The following CEACAM8 variants were observed in gnomAD, a reference collection of about 807,000 sequenced individuals.
CEACAM8 encodes the protein CEA cell adhesion molecule 8.
In CEACAM8, 31 loss-of-function variants were observed where a neutral mutation model predicts 33.4. That is an observed-to-expected ratio of 0.93 (90% CI 0.70 to 1.25). The LOEUF (loss-of-function observed/expected upper bound fraction) is 1.25. CEACAM8 is among the 50% of genes most tolerant of loss of function. The pLI, the probability that CEACAM8 is intolerant of heterozygous loss-of-function variation, is 0.00. For missense variants in CEACAM8, 388 were observed against 434.6 expected (o/e 0.89, Z 0.95); for synonymous variants, 138 against 164.5 (o/e 0.84, Z 1.23).
intron 4 of CEACAM8, among the ~76,000 whole-genome samples, chr19:42,585,264 C>T (rs1381077829): frequency 6.7e-6 from 1 of 149,214 alleles, no homozygotes; most frequent in African/African-American, 2.5e-5. Flanking sequence ...CACCTCTGCA[C>T]TCCAGCCTGG....
chr19:42,594,662 C>A, intron 1 of CEACAM8, 103 bp downstream of exon 1: 1 of 865,984 alleles, frequency 1.2e-6, no homozygotes, highest in Non-Finnish European at 1.9e-6. Context: ...AAGGCTCCAA[C>A]AGAAGTCCTC....
At chr19:42,591,847 G>A (rs1473578986) in intron 2 of CEACAM8, among the ~76,000 whole-genome samples, 3 of 152,160 alleles carry the variant, frequency 2.0e-5, no homozygotes, top group Non-Finnish European at 4.4e-5. Context: ...GAGAACGATC[G>A]AGTGTGTGTC....
intron 2 of CEACAM8, among the ~76,000 whole-genome samples, chr19:42,590,279 A>C (rs527886384): frequency 5.3e-5 from 8 of 152,200 alleles, no homozygotes; most frequent in Non-Finnish European, 1.2e-4. Context: ...GTCGTCAGGC[A>C]GTGGAGCCAC....
intron 2 of CEACAM8, among the ~76,000 whole-genome samples, chr19:42,590,996 C>G (rs776827678): frequency 1.3e-5 from 2 of 152,070 alleles, no homozygotes; most frequent in Non-Finnish European, 2.9e-5. Flanking sequence ...TCTGAAAATC[C>G]CAAATCCAAA....
Position 42,594,902 on chromosome 19 carries a change from A to T in CEACAM8, c.-74T>A. 6.7e-7 allele frequency: 1 copy of T among 1,502,328 alleles called. No homozygotes were observed. The highest frequency in any genetic ancestry group is 2.4e-5 in the East Asian group (1 of 42,498). 93.1% of individuals were successfully genotyped at this position (1,502,328 alleles called of 1,614,324 possible). A position where few individuals can be genotyped will look rare whatever the true frequency, so the allele number is the denominator to read the frequency against. ...CAGAAACTTTCTGAGCACGGCTGTC[A>T]GCTGTGCTGTCCTTCCTCCTTTTGT... On this transcript the variant is annotated 5_prime_UTR_variant, in exon 1 of 6. Coordinates refer to ENST00000244336, the MANE Select transcript of CEACAM8 (RefSeq NM_001816.4).
intron 4 of CEACAM8, among the ~76,000 whole-genome samples, chr19:42,586,660 A>T (rs1600291267): frequency 6.6e-6 from 1 of 152,242 alleles, no homozygotes; most frequent in East Asian, 1.9e-4. Context: ...AAAAAACTCC[A>T]TGACATTGGA....
chr19:42,593,755 C>T lies in CEACAM8; in HGVS notation c.210G>A (p.Gly70=), dbSNP rs757637164. 5 of 1,613,956 alleles carry T rather than the reference C, an allele frequency of 3.1e-6. No individual in the cohort carries two copies. The highest frequency in any genetic ancestry group is 1.3e-5 in the African/African-American group (1 of 74,942). The change falls in exon 2 of 6, where the codon GGG becomes GGA. Residue 70 remains glycine, a synonymous_variant. Coordinates refer to ENST00000244336, the MANE Select transcript of CEACAM8 (RefSeq NM_001816.4). ...TTCGACGGTTGGCATCCACTGTTTC[C>T]CCTTTGTACCAGTTGTAGCCACGAG... is the stretch of plus-strand genomic sequence containing the variant. The part of the protein sequence containing the change: ...QDPRGYNWYK[G]ETVDANRRII...
At chr19:42,586,760 T>C (rs1441317314) in intron 4 of CEACAM8, among the ~76,000 whole-genome samples, 4 of 152,174 alleles carry the variant, frequency 2.6e-5, no homozygotes, top group African/African-American at 7.2e-5. Flanking sequence ...TCAATAACTT[T>C]TATATATCAA....
Position 42,588,826 on chromosome 19 carries a change from T to A in CEACAM8, c.916A>T (p.Thr306Ser). The A allele has an allele frequency of 6.2e-7, 1 of 1,614,166 alleles. No homozygotes were observed. The highest frequency in any genetic ancestry group is 8.5e-7 in the Non-Finnish European group (1 of 1,180,024). ...CTGACTGTGGTCCTGTTGCGGCCAG[T>A]GGCTGAGTTAGTGGTGTGGCAGGCA... ...SYACHTTNSATGRNRTTVRMI... is the reference protein window; with the variant it reads ...SYACHTTNSASGRNRTTVRMI... Residue 306 changes from threonine to serine, a missense_variant, in exon 4 of 6, where the codon ACT becomes TCT. Thr to Ser is a moderately conservative substitution (Grantham distance 58). Coordinates refer to ENST00000244336, the MANE Select transcript of CEACAM8 (RefSeq NM_001816.4).
At chr19:42,581,467 A>G (rs1007561979) in intron 5 of CEACAM8, 114 bp from the exon 6 acceptor site, 4 of 152,242 alleles carry the variant, frequency 2.6e-5, no homozygotes, top group African/African-American at 9.6e-5. Flanking sequence ...TGACATTATG[A>G]CTGATAACAT....
intron 4 of CEACAM8, among the ~76,000 whole-genome samples, chr19:42,585,573 G>A (rs1278490367): frequency 6.6e-6 from 1 of 152,068 alleles, no homozygotes; most frequent in Admixed American, 6.5e-5. Context: ...AACATGCTAA[G>A]TATGAATGGA....
chr19:42,593,904 G>C lies in CEACAM8; in HGVS notation c.65-4C>G, dbSNP rs1301845167. The C allele has an allele frequency of 5.7e-6, 9 of 1,573,950 alleles. No individual in the cohort carries two copies. The highest frequency in any genetic ancestry group is 7.8e-6 in the Non-Finnish European group (9 of 1,158,318). On this transcript the variant is annotated splice_region_variant and splice_polypyrimidine_tract_variant and intron_variant, in intron 1 of 5. Transcript: ENST00000244336. ...TTCCAGAAGGTGAAAAGTGAGGCTA[G>C]GAGGGGGAGAGAGCATCAAGCAATA...
chr19:42,581,930 T>A (rs1459954007), intron 5 of CEACAM8, among the ~76,000 whole-genome samples: 11 of 101,118 alleles, frequency 1.1e-4, no homozygotes, highest in African/African-American at 4.0e-4. Flanking sequence ...AATATATATA[T>A]ATATATATAT....
intron 5 of CEACAM8, 74 bp downstream of exon 5, chr19:42,583,132 C>G (rs913468762): frequency 2.9e-6 from 2 of 701,572 alleles, no homozygotes; most frequent in Non-Finnish European, 5.1e-6. Flanking sequence ...GATCCATTCC[C>G]GGGATACAGG....
chr19:42,587,776 G>C (rs1449159629), intron 4 of CEACAM8, among the ~76,000 whole-genome samples: 1 of 152,286 alleles, frequency 6.6e-6, no homozygotes, highest in Middle Eastern at 3.4e-3. Context: ...AAGCCAAGGC[G>C]GGTGGATCAC....
At chr19:42,591,447 G>C (rs1351710754) in intron 2 of CEACAM8, among the ~76,000 whole-genome samples, 1 of 152,126 alleles carries the variant, frequency 6.6e-6, no homozygotes, top group African/African-American at 2.4e-5. Context: ...ATAAAGGGAG[G>C]AACAATGCCA....
chr19:42,590,344 C>T (rs2042414774), intron 2 of CEACAM8, among the ~76,000 whole-genome samples: 1 of 152,172 alleles, frequency 6.6e-6, no homozygotes, highest in Admixed American at 6.5e-5. Context: ...AGTCAGTGAC[C>T]TCTAAAGATA....
In CEACAM8 at chr19:42,589,497, C is replaced by T. The variant is rs749935798; in HGVS notation, c.663G>A (p.Ala221=). ...TGACTGGGTCACTGAAGTTTGCACT[C>T]GCTGGGTTCTGTATTTCACATTCAT... ...GPYECEIQNP[A]SANFSDPVTL... is the part of the protein sequence containing the mutation. Residue 221 remains alanine (A), a synonymous_variant, in exon 3 of 6, where the codon GCG becomes GCA. Coordinates refer to ENST00000244336, the MANE Select transcript of CEACAM8 (RefSeq NM_001816.4). 1.8e-5 allele frequency: 29 copies of T among 1,614,044 alleles called. No homozygotes were observed. Among genetic ancestry groups the T allele is most frequent in the East Asian group, 6.7e-5 (3 of 44,896 alleles).
intron 2 of CEACAM8, among the ~76,000 whole-genome samples, chr19:42,592,311 A>G (rs1325891700): frequency 6.7e-6 from 1 of 149,896 alleles, no homozygotes; most frequent in Non-Finnish European, 1.5e-5. Context: ...GCTTCTATTA[A>G]AAGAAATAAT....
Sources: gnomAD v4.1 joint callset for allele counts (sites outside exome capture counted in the v4.1 genomes callset) on GRCh38, gnomAD v4.1.1 for gene constraint, MANE v1.5 for transcripts, NCBI Gene and HGNC (gene_info 2026-07-23, HGNC 2026-07-21) for gene names.